The following PDZRN4 variants were observed in gnomAD, a reference collection of about 807,000 sequenced individuals.
PDZRN4 encodes PDZ domain-containing RING finger protein 4.
Under a neutral mutation model 99.0 loss-of-function variants are expected in PDZRN4, and 70 were observed. The observed-to-expected ratio is 0.71, with a 90% CI of 0.58 to 0.86. The LOEUF is 0.86. PDZRN4 is among the 40% of genes least tolerant of loss of function. The pLI is 0.00. For synonymous variants in PDZRN4, 551 were observed against 501.6 expected, an observed-to-expected ratio of 1.10 and a Z score of -1.32; for missense variants, 1,474 against 1,331.2, an observed-to-expected ratio of 1.11 and a Z score of -1.67.
intron 3 of PDZRN4, among the ~76,000 whole-genome samples, chr12:41,496,051 G>A (rs1284891071): frequency 2.6e-5 from 4 of 152,078 alleles, no homozygotes; most frequent in Non-Finnish European, 5.9e-5. Flanking sequence ...AAGAGCAGGT[G>A]CCTTTCCTTG....
chr12:41,309,625 C>T (rs1429659582), intron 3 of PDZRN4, among the ~76,000 whole-genome samples: 1 of 151,930 alleles, frequency 6.6e-6, no homozygotes, highest in Non-Finnish European at 1.5e-5. Flanking sequence ...CTGTTAGAAA[C>T]TATCTGCATG....
Position 41,255,087 on chromosome 12 carries a change from A to G in PDZRN4, c.843+60899A>G, listed in dbSNP as rs148051152. 4.9e-4 allele frequency among the ~76,000 whole-genome samples: 75 copies of G among 152,266 alleles called. 3 individuals are homozygous for G. The highest frequency in any genetic ancestry group is 1.7e-3 in the African/African-American group (71 of 41,554). ...AGAAAGAGAAAAAGAAAAGAAAACG[A>G]AAGAGTTGGCTCCCTGGGTGTGGAA... On this transcript the variant is annotated intron_variant, in intron 3 of 9. Coordinates refer to ENST00000402685, the MANE Select transcript of PDZRN4 (RefSeq NM_001164595.2).
At chr12:41,483,772 A>G (rs762481865) in intron 3 of PDZRN4, among the ~76,000 whole-genome samples, 1 of 152,152 alleles carries the variant, frequency 6.6e-6, no homozygotes, top group African/African-American at 2.4e-5. Flanking sequence ...TTATTAAAGC[A>G]TCTAGCCTTT....
intron 3 of PDZRN4, among the ~76,000 whole-genome samples, chr12:41,238,818 G>T (rs888538684): frequency 3.3e-5 from 5 of 152,136 alleles, no homozygotes; most frequent in Admixed American, 3.3e-4. Flanking sequence ...AACAACAGAT[G>T]CTGGCGAGGT....
chr12:41,375,433 T>C (rs1388959939), intron 3 of PDZRN4, among the ~76,000 whole-genome samples: 1 of 152,160 alleles, frequency 6.6e-6, no homozygotes, highest in Non-Finnish European at 1.5e-5. Context: ...AACATTATAA[T>C]TTATTAAGAG....
In PDZRN4 at chr12:41,386,355, G is replaced by A. The variant is rs747427785; in HGVS notation, c.844-120101G>A. 3.9e-5 allele frequency among the ~76,000 whole-genome samples: 6 copies of A among 152,040 alleles called. No homozygotes were observed. In the East Asian group the frequency reaches 5.8e-4, roughly 15 times the overall value. ...AAAGAAATAAATTGCATTCAAATAC[G>A]AAGAGAAGAAGTCAAACTTTGGCAA... On this transcript the variant is annotated intron_variant, in intron 3 of 9. Transcript: ENST00000402685.
At chr12:41,193,223 T>C (rs565454972) in intron 2 of PDZRN4, among the ~76,000 whole-genome samples, 1 of 152,218 alleles carries the variant, frequency 6.6e-6, no homozygotes, top group Non-Finnish European at 1.5e-5. Flanking sequence ...TTTTTATAGA[T>C]TCTATTTTGG....
At chr12:41,261,635 G>C (rs1951240732) in intron 3 of PDZRN4, among the ~76,000 whole-genome samples, 2 of 151,970 alleles carry the variant, frequency 1.3e-5, no homozygotes, top group South Asian at 4.2e-4. Context: ...GACTACAGGC[G>C]TGCACCACCT....
chr12:41,498,226 A>G (rs568510062), intron 3 of PDZRN4, among the ~76,000 whole-genome samples: 5 of 152,180 alleles, frequency 3.3e-5, no homozygotes, highest in Admixed American at 2.6e-4. Flanking sequence ...ATAGGCTGAA[A>G]AGGACACACC....
intron 1 of PDZRN4, among the ~76,000 whole-genome samples, chr12:41,189,791 G>T (rs1036426859): frequency 6.6e-6 from 1 of 152,090 alleles, no homozygotes; most frequent in African/African-American, 2.4e-5. Context: ...GAGAGAGAGA[G>T]ATTGAGATTG....
chr12:41,371,500 G>T (rs1952041333), intron 3 of PDZRN4, among the ~76,000 whole-genome samples: 2 of 151,814 alleles, frequency 1.3e-5, no homozygotes, highest in African/African-American at 4.8e-5. Flanking sequence ...CCAACTTCTT[G>T]TCTCATTTGA....
chr12:41,206,431 T>C (rs977831087), intron 3 of PDZRN4, among the ~76,000 whole-genome samples: 5 of 151,820 alleles, frequency 3.3e-5, no homozygotes, highest in African/African-American at 1.2e-4. Context: ...TCTAATGAAG[T>C]TAAATAAATC....
At chr12:41,341,733 A>G (rs4768347) in intron 3 of PDZRN4, among the ~76,000 whole-genome samples, 58,485 of 151,698 alleles carry the variant, frequency 0.39, 11,373 homozygotes, top group South Asian at 0.42. Context: ...GATTTTGTTC[A>G]TGGATTTAAA....
intron 3 of PDZRN4, among the ~76,000 whole-genome samples, chr12:41,357,493 A>G (rs761905733): frequency 9.3e-4 from 141 of 151,964 alleles, no homozygotes; most frequent in Non-Finnish European, 1.3e-3. Flanking sequence ...TAGGTCTCAG[A>G]CTTATCTAGG....
intron 3 of PDZRN4, among the ~76,000 whole-genome samples, chr12:41,396,535 A>G (rs1320030868): frequency 3.9e-5 from 6 of 152,166 alleles, no homozygotes; most frequent in Non-Finnish European, 8.8e-5. Flanking sequence ...TTATTAGCTC[A>G]CAATTTATGT....
chr12:41,426,941 G>C (rs1952541928), intron 3 of PDZRN4, among the ~76,000 whole-genome samples: 1 of 152,160 alleles, frequency 6.6e-6, no homozygotes. Flanking sequence ...TTGAGCTTGT[G>C]CACTTGCAAC....
intron 7 of PDZRN4, among the ~76,000 whole-genome samples, chr12:41,558,521 G>T (rs890658438): frequency 6.6e-6 from 1 of 152,142 alleles, no homozygotes; most frequent in African/African-American, 2.4e-5. Context: ...TGTTCTGTGG[G>T]TATAGTTGGA....
chr12:41,249,995 T>C (rs1033017514), intron 3 of PDZRN4, among the ~76,000 whole-genome samples: 1 of 152,188 alleles, frequency 6.6e-6, no homozygotes, highest in African/African-American at 2.4e-5. Context: ...GATAGAAATC[T>C]CAATTAAGGG....
At position 41,429,952 on chromosome 12, in the gene PDZRN4, G is replaced by A. The variant is rs1430659030; in HGVS notation, c.844-76504G>A. Among the ~76,000 whole-genome samples, 4 of 152,070 alleles carry A rather than the reference G, an allele frequency of 2.6e-5. No individual in the cohort carries two copies. The East Asian group carries it at 5.8e-4, about 22-fold the overall frequency. On this transcript the variant is annotated intron_variant, in intron 3 of 9. Transcript: ENST00000402685. ...TCAGTGGAAACCCTACATAATACCT[G>A]TGATGTTGCTGAATGGTGTGACATT...
Sources: allele counts gnomAD v4.1 joint callset (sites outside exome capture counted in the v4.1 genomes callset), GRCh38; gene constraint gnomAD v4.1.1; transcripts MANE v1.5; gene names NCBI Gene and HGNC (gene_info 2026-07-23, HGNC 2026-07-21).